The following C3orf70 variants were observed in gnomAD, a reference collection of about 807,000 sequenced individuals.
C3orf70 encodes the protein UPF0524 protein C3orf70.
A neutral mutation model predicts 20.7 loss-of-function variants in C3orf70; 15 were observed. That is an observed-to-expected ratio of 0.72 (90% CI 0.48 to 1.11). The LOEUF is 1.11. Ranked by LOEUF, C3orf70 falls within the 50% of genes most tolerant of loss-of-function variation. The probability of loss-of-function intolerance (pLI) is 0.00; values close to 1 mark genes in which losing one functional copy is unlikely to be tolerated. For missense variants in C3orf70, 332 were observed against 317.6 expected, an observed-to-expected ratio of 1.05 and a Z score of -0.34; for synonymous variants, 161 against 125.7, an observed-to-expected ratio of 1.28 and a Z score of -1.88.
intron 1 of C3orf70, among the ~76,000 whole-genome samples, chr3:185,088,774 C>T (rs73885675): frequency 0.024 from 3,677 of 152,290 alleles, 122 homozygotes; most frequent in African/African-American, 0.083. Context: ...CCAATTTTAG[C>T]ATGGATAGGT....
chr3:185,152,745 T>C lies in C3orf70; in HGVS notation c.79A>G (p.Ser27Gly). 1 of 1,593,928 alleles carries C rather than the reference T, an allele frequency of 6.3e-7. No individual in the cohort carries two copies. Among genetic ancestry groups the C allele is most frequent in the Non-Finnish European group, 8.5e-7 (1 of 1,170,956 alleles). Reference sequence around the variant, plus strand: ...AAGTCGGGTCTGCGGGCGGCGCAACTCCGCGCCAGGGCCTGAGCCTCATCT... The same window carrying C: ...AAGTCGGGTCTGCGGGCGGCGCAACCCCGCGCCAGGGCCTGAGCCTCATCT... ...KLDEAQALAR[S>G]CAARRPDFQP... Residue 27 changes from serine to glycine, a missense_variant, in exon 1 of 2, where the codon AGT becomes GGT. Transcript: ENST00000335012.
At chr3:185,138,865 C>A (rs555534294) in intron 1 of C3orf70, among the ~76,000 whole-genome samples, 5 of 152,240 alleles carry the variant, frequency 3.3e-5, no homozygotes, top group Non-Finnish European at 7.4e-5. Flanking sequence ...TCTGAGAGGC[C>A]AAGGTGGGAG....
At chr3:185,133,542 A>T (rs1716563634) in intron 1 of C3orf70, among the ~76,000 whole-genome samples, 1 of 152,110 alleles carries the variant, frequency 6.6e-6, no homozygotes, top group Non-Finnish European at 1.5e-5. Context: ...CAGGAGTTTG[A>T]GACCAGCCTG....
intron 1 of C3orf70, among the ~76,000 whole-genome samples, chr3:185,100,496 T>C (rs1173315069): frequency 1.3e-5 from 2 of 152,112 alleles, no homozygotes; most frequent in Non-Finnish European, 2.9e-5. Context: ...TTGAAACCAA[T>C]GAAAACAAAG....
At position 185,102,155 on chromosome 3, in the gene C3orf70, T is replaced by C. The variant is rs572599745; in HGVS notation, c.197-18592A>G. Among the ~76,000 whole-genome samples the C allele has an allele frequency of 2.0e-5, 3 of 152,308 alleles. No individual in the cohort carries two copies. The South Asian group carries it at 6.2e-4, about 32-fold the overall frequency. Reference sequence around the variant, plus strand: ...TCCCTGTTTGCAGACAACACGATCCTATATCTAGAAAACCCCACAGTCTCG... The same window carrying C: ...TCCCTGTTTGCAGACAACACGATCCCATATCTAGAAAACCCCACAGTCTCG... On this transcript the variant is annotated intron_variant, in intron 1 of 1. Coordinates refer to ENST00000335012, the MANE Select transcript of C3orf70 (RefSeq NM_001025266.3).
At chr3:185,146,118 G>C (rs1458826862) in intron 1 of C3orf70, among the ~76,000 whole-genome samples, 2 of 151,588 alleles carry the variant, frequency 1.3e-5, no homozygotes, top group African/African-American at 2.4e-5. Flanking sequence ...CTCTATCTCT[G>C]GAAGAACCTA....
At chr3:185,152,157 C>T (rs759893695) in intron 1 of C3orf70, among the ~76,000 whole-genome samples, 1 of 152,102 alleles carries the variant, frequency 6.6e-6, no homozygotes, top group Non-Finnish European at 1.5e-5. Flanking sequence ...TATCCAAGGG[C>T]TCCTTCTTTT....
intron 1 of C3orf70, among the ~76,000 whole-genome samples, chr3:185,148,595 C>A (rs550028244): frequency 6.6e-6 from 1 of 152,158 alleles, no homozygotes; most frequent in Non-Finnish European, 1.5e-5. Flanking sequence ...CTTTCCCATC[C>A]CTCCTCTCTC....
intron 1 of C3orf70, among the ~76,000 whole-genome samples, chr3:185,137,482 A>G (rs115117161): frequency 1.7e-3 from 252 of 152,348 alleles, no homozygotes; most frequent in Non-Finnish European, 2.0e-3. Context: ...TCATCCAACA[A>G]CAGCAGCATA....
At chr3:185,148,622 CTT>C (rs1378479690) in intron 1 of C3orf70, among the ~76,000 whole-genome samples, 2 of 152,192 alleles carry the variant, frequency 1.3e-5, no homozygotes, top group African/African-American at 4.8e-5. Flanking sequence ...CCATGTATTT[CTT>C]TCTCTCTCAA....
intron 1 of C3orf70, among the ~76,000 whole-genome samples, chr3:185,139,504 G>A (rs2108605432): frequency 6.7e-6 from 1 of 148,248 alleles, no homozygotes; most frequent in Non-Finnish European, 1.5e-5. Flanking sequence ...AGTCAGCCGA[G>A]ATCATACCAC....
At chr3:185,120,369 G>A (rs1445967575) in intron 1 of C3orf70, among the ~76,000 whole-genome samples, 1 of 152,148 alleles carries the variant, frequency 6.6e-6, no homozygotes, top group African/African-American at 2.4e-5. Context: ...GGAGGGGAAA[G>A]TAGACAGTAT....
chr3:185,130,331 G>A (rs1716500246), intron 1 of C3orf70, among the ~76,000 whole-genome samples: 1 of 152,104 alleles, frequency 6.6e-6, no homozygotes, highest in Admixed American at 6.6e-5. Context: ...GTGGGCGCCT[G>A]TAGTCCCAGA....
intron 1 of C3orf70, among the ~76,000 whole-genome samples, chr3:185,113,837 G>C (rs993875046): frequency 1.3e-5 from 2 of 152,180 alleles, no homozygotes; most frequent in Admixed American, 1.3e-4. Flanking sequence ...CTTAGAGTCA[G>C]AATCTGTAAC....
chr3:185,083,054 AG>A lies in C3orf70; in HGVS notation c.705del (p.Ser236ArgfsTer7). 6.2e-7 allele frequency: 1 copy of A among 1,610,930 alleles called. No homozygotes were observed. Among genetic ancestry groups the A allele is most frequent in the South Asian group, 1.1e-5 (1 of 90,980 alleles). The stretch of plus-strand genomic sequence containing the variant: ...TCAATCACTTCCAGGTCAGACTGCG[AG>A]GGGGAGAGAAGGGTGCACTCATCCG... ...WEPDECTLLS[P>X]SQSDLEVIET... On this transcript the variant is annotated frameshift_variant, in exon 2 of 2. Transcript: ENST00000335012. LOFTEE classifies it high-confidence loss of function.
intron 1 of C3orf70, among the ~76,000 whole-genome samples, chr3:185,094,252 A>C (rs1463838615): frequency 6.6e-6 from 1 of 151,622 alleles, no homozygotes; most frequent in African/African-American, 2.4e-5. Context: ...TAGTTTTTAT[A>C]TTTTTGTAGA....
At position 185,135,924 on chromosome 3, in the gene C3orf70, A is replaced by G. The variant is rs554195371; in HGVS notation, c.196+16704T>C. On this transcript the variant is annotated intron_variant, in intron 1 of 1. Transcript: ENST00000335012. ...AAGAAAAGAAAAATAAAAAACAAGA[A>G]AAAAATAAAATATAAAATGGCAGAC... Among the ~76,000 whole-genome samples the G allele has an allele frequency of 7.9e-5, 12 of 152,226 alleles. No individual in the cohort carries two copies. In the East Asian group the frequency reaches 2.1e-3, roughly 27 times the overall value.
intron 1 of C3orf70, among the ~76,000 whole-genome samples, chr3:185,152,269 T>G (rs1178734205): frequency 6.6e-6 from 1 of 152,198 alleles, no homozygotes; most frequent in Non-Finnish European, 1.5e-5. Context: ...CCAACTCAGC[T>G]GGCTCGCTCC....
At chr3:185,130,173 G>A (rs1036558012) in intron 1 of C3orf70, among the ~76,000 whole-genome samples, 11 of 152,110 alleles carry the variant, frequency 7.2e-5, no homozygotes, top group South Asian at 4.1e-4. Context: ...TATATTGGCC[G>A]GATGCAGTGG....
Sources: allele counts gnomAD v4.1 joint callset (sites outside exome capture counted in the v4.1 genomes callset), GRCh38; gene constraint gnomAD v4.1.1; transcripts MANE v1.5; gene names NCBI Gene and HGNC (gene_info 2026-07-23, HGNC 2026-07-21).